Variants in LMO7 observed in about 807,000 individuals in gnomAD.
LMO7 encodes LIM domain 7.
A neutral mutation model predicts 206.5 loss-of-function variants in LMO7; 120 were observed. The observed-to-expected ratio is 0.58, with a 90% CI of 0.50 to 0.68. The LOEUF (loss-of-function observed/expected upper bound fraction) is 0.68. Ranked by LOEUF, LMO7 falls within the 30% of genes least tolerant of loss-of-function variation. The pLI, the probability that LMO7 is intolerant of heterozygous loss-of-function variation, is 0.00. For missense variants in LMO7, 1,959 were observed against 1,957.9 expected (o/e 1.00, Z -0.01); for synonymous variants, 706 against 681.5 (o/e 1.04, Z -0.56).
chr13:75,637,427 G>A (rs2036053696), intron 1 of LMO7, among the ~76,000 whole-genome samples: 1 of 152,124 alleles, frequency 6.6e-6, no homozygotes, highest in African/African-American at 2.4e-5. Context: ...GAAAAAGAGC[G>A]GGTCTCTTCA....
chr13:75,669,403 T>C (rs1487296790), intron 1 of LMO7, among the ~76,000 whole-genome samples: 1 of 152,110 alleles, frequency 6.6e-6, no homozygotes, highest in Non-Finnish European at 1.5e-5. Flanking sequence ...CTGTATGTTA[T>C]CCGCAAATTA....
At position 75,652,614 on chromosome 13, in the gene LMO7, A is replaced by AGTGTGTGT. The variant is rs59671117; in HGVS notation, c.69+15925_69+15932dup. Among the ~76,000 whole-genome samples the AGTGTGTGT allele has an allele frequency of 2.6e-3, 353 of 137,938 alleles. 3 individuals are homozygous for AGTGTGTGT. The highest frequency in any genetic ancestry group is 7.2e-3 in the African/African-American group (267 of 36,842). The allele number at this position is 137,938 out of a possible 152,430, so 90.5% of individuals were successfully genotyped here. A position where few individuals can be genotyped will look rare whatever the true frequency, so the allele number is the denominator to read the frequency against. ...GTTCATTGTGTTTAACCACAAGTTCAGTGTGTGTGTGTGTGTGTGTGTGTG... is the reference window on the plus strand; with the variant it reads ...GTTCATTGTGTTTAACCACAAGTTCAGTGTGTGTGTGTGTGTGTGTGTGTGTGTGTGTG... On this transcript the variant is annotated intron_variant, in intron 1 of 30. Transcript: ENST00000377534.
At chr13:75,673,417 G>A (rs761687376) in intron 1 of LMO7, among the ~76,000 whole-genome samples, 5 of 152,138 alleles carry the variant, frequency 3.3e-5, no homozygotes, top group African/African-American at 1.2e-4. Context: ...TTGCCTTGCC[G>A]GTAAAGAGGG....
intron 7 of LMO7, among the ~76,000 whole-genome samples, chr13:75,802,517 T>C (rs764482736): frequency 3.9e-5 from 6 of 152,196 alleles, no homozygotes; most frequent in Non-Finnish European, 7.3e-5. Context: ...ATAGAGGGCA[T>C]GTGGGAATAT....
At chr13:75,800,559 A>C in intron 6 of LMO7, 125 bp from the exon 7 acceptor site, 2 of 794,552 alleles carry the variant, frequency 2.5e-6, no homozygotes, top group Non-Finnish European at 4.0e-6. Context: ...CGACAGAGAA[A>C]CCTCATGCCT....
intron 26 of LMO7, among the ~76,000 whole-genome samples, chr13:75,846,112 A>AC (rs967167143): frequency 1.3e-5 from 2 of 152,078 alleles, no homozygotes; most frequent in Non-Finnish European, 2.9e-5. Context: ...TTAAAAAAAA[A>AC]AAAAATCTGT....
chr13:75,776,187 A>ATATATG (rs1159957805), intron 4 of LMO7, among the ~76,000 whole-genome samples: 3 of 72,682 alleles, frequency 4.1e-5, no homozygotes, highest in Non-Finnish European at 9.6e-5. Flanking sequence ...ATATATATAT[A>ATATATG]TATATATATA....
chr13:75,739,592 T>TTG (rs2046253556), intron 3 of LMO7, among the ~76,000 whole-genome samples: 1 of 152,224 alleles, frequency 6.6e-6, no homozygotes, highest in Admixed American at 6.5e-5. Flanking sequence ...GCTAATGTTC[T>TTG]TGTACCTGTG....
rs78177859 is a variant in LMO7 at position 75,700,388 on chromosome 13, G to A, written c.70-12794G>A. 1.3e-5 allele frequency among the ~76,000 whole-genome samples: 2 copies of A among 152,172 alleles called. 1 individual carries two copies. Among genetic ancestry groups the A allele is most frequent in the South Asian group, 4.1e-4 (2 of 4,834 alleles). ...AAGACAGGCCTAAGAAATTATAAAA[G>A]TATTCATTTGGAGAACTAATAAATG... On this transcript the variant is annotated intron_variant, in intron 1 of 30. Coordinates refer to ENST00000377534, the MANE Select transcript of LMO7 (RefSeq NM_001306080.2).
intron 1 of LMO7, among the ~76,000 whole-genome samples, chr13:75,693,129 T>C (rs554556378): frequency 3.9e-5 from 6 of 152,332 alleles, no homozygotes; most frequent in African/African-American, 1.4e-4. Context: ...GTAGCTGTAT[T>C]ATCTGGCCTT....
rs543731665 is a variant in LMO7, at chr13:75,693,196, G to A, written c.70-19986G>A. On this transcript the variant is annotated intron_variant, in intron 1 of 30. Coordinates refer to ENST00000377534, the MANE Select transcript of LMO7 (RefSeq NM_001306080.2). ...GAATATCAGCTTAGAGTTCAAAGAA[G>A]CAAGACTAGTATGCATGATATAATC... Among the ~76,000 whole-genome samples the A allele has an allele frequency of 2.0e-5, 3 of 152,280 alleles. No homozygotes were observed. The East Asian group carries it at 5.8e-4, about 29-fold the overall frequency.
intron 2 of LMO7, among the ~76,000 whole-genome samples, chr13:75,719,571 G>A (rs1402245755): frequency 6.6e-6 from 1 of 152,126 alleles, no homozygotes; most frequent in East Asian, 1.9e-4. Flanking sequence ...GAGACCTGAT[G>A]TTTTAAAAGT....
chr13:75,738,492 T>G (rs1049675802), intron 3 of LMO7, among the ~76,000 whole-genome samples: 2 of 152,152 alleles, frequency 1.3e-5, no homozygotes, highest in African/African-American at 4.8e-5. Flanking sequence ...TTTCCTAGAT[T>G]TTTTTTTCTT....
intron 4 of LMO7, among the ~76,000 whole-genome samples, chr13:75,769,183 T>C (rs1265834365): frequency 6.6e-6 from 1 of 152,084 alleles, no homozygotes; most frequent in South Asian, 2.1e-4. Flanking sequence ...TTATTGGCTG[T>C]TTAGTGTTCC....
chr13:75,857,786 C>T, intron 30 of LMO7, 135 bp from the exon 31 acceptor site: 1 of 519,786 alleles, frequency 1.9e-6, no homozygotes, highest in Non-Finnish European at 3.4e-6. Context: ...TAGCTTTATC[C>T]TAAGAGTGAG....
chr13:75,715,447 A>G (rs2043457608), intron 2 of LMO7, among the ~76,000 whole-genome samples: 1 of 152,158 alleles, frequency 6.6e-6, no homozygotes, highest in African/African-American at 2.4e-5. Context: ...TTGTTTTCTA[A>G]TTGGAATTTT....
At chr13:75,622,798 GA>G (rs1291655339) in intron 1 of LMO7, among the ~76,000 whole-genome samples, 8 of 152,328 alleles carry the variant, frequency 5.3e-5, no homozygotes, top group Middle Eastern at 3.4e-3. Context: ...GATACCAACT[GA>G]AAGCAGATCT....
chr13:75,677,143 G>A (rs2040082262), intron 1 of LMO7, among the ~76,000 whole-genome samples: 3 of 152,100 alleles, frequency 2.0e-5, no homozygotes, highest in Admixed American at 2.0e-4. Context: ...ATTAGCATTA[G>A]TAATGAATGG....
At chr13:75,856,682 C>G in intron 30 of LMO7, 74 bp downstream of exon 30, 1 of 836,110 alleles carries the variant, frequency 1.2e-6, no homozygotes, top group South Asian at 1.3e-5. Flanking sequence ...TTCCCTGAAC[C>G]TGCAGCGAGC....
Sources: allele counts gnomAD v4.1 joint callset (sites outside exome capture counted in the v4.1 genomes callset), GRCh38; gene constraint gnomAD v4.1.1; transcripts MANE v1.5; gene names NCBI Gene and HGNC (gene_info 2026-07-23, HGNC 2026-07-21).